Variants in WWP1 observed in about 807,000 individuals in gnomAD.
WWP1 encodes the protein NEDD4-like E3 ubiquitin-protein ligase WWP1.
WWP1 carries 49 observed loss-of-function variants against 130.6 expected under a neutral mutation model. The ratio of observed to expected loss-of-function variants is 0.38; its 90% confidence interval spans 0.30 to 0.48. WWP1 has a LOEUF of 0.48. WWP1 is among the 20% of genes least tolerant of loss of function. The pLI is 0.99. For synonymous variants in WWP1, 332 were observed against 367.8 expected (o/e 0.90, Z 1.11); for missense variants, 809 against 1,100.6 (o/e 0.74, Z 3.75).
rs59950498 is a variant in WWP1, at chr8:86,380,641, G to A, written c.71-85G>A. 7.9e-4 allele frequency: 1,091 copies of A among 1,386,240 alleles called. 7 individuals are homozygous for A. In the African/African-American group the frequency reaches 0.015, roughly 19 times the overall value. 85.9% of individuals were successfully genotyped at this position (1,386,240 alleles called of 1,614,324 possible). On this transcript the variant is annotated intron_variant, in intron 3 of 24. Transcript: ENST00000517970. ...GAGAAGAGTTCTAGTTGCACAAGAAGCACAATTCCATTCTTATTGATTGAT... is the reference window on the plus strand; with the variant it reads ...GAGAAGAGTTCTAGTTGCACAAGAAACACAATTCCATTCTTATTGATTGAT...
At chr8:86,379,497 C>T (rs1372723418) in intron 3 of WWP1, among the ~76,000 whole-genome samples, 1 of 152,068 alleles carries the variant, frequency 6.6e-6, no homozygotes, top group Non-Finnish European at 1.5e-5. Context: ...AGGCTTTTCC[C>T]TTCCTCATCT....
At position 86,438,661 on chromosome 8, in the gene WWP1, G is replaced by T. The variant is rs1452572470; in HGVS notation, c.1826G>T (p.Gly609Val). 6.2e-7 allele frequency: 1 copy of T among 1,604,832 alleles called. No homozygotes were observed. Among genetic ancestry groups the T allele is most frequent in the Non-Finnish European group, 8.5e-7 (1 of 1,177,516 alleles). Residue 609 changes from glycine (G) to valine (V), a missense_variant, in exon 17 of 25, where the codon GGT (glycine) becomes GTT (valine). Physicochemically the swap from Gly to Val is moderately radical, Grantham distance 109. Transcript: ENST00000517970. ...IFRGEEGLDY[G>V]GLAREWFFLL... ...AGAGGAGAAGAAGGACTTGATTATG[G>T]TGGCCTAGCGAGGTAAAATAAAAAA...
intron 2 of WWP1, among the ~76,000 whole-genome samples, chr8:86,370,510 G>T (rs1218137920): frequency 6.6e-6 from 1 of 152,122 alleles, no homozygotes; most frequent in Non-Finnish European, 1.5e-5. Flanking sequence ...GACCTTAGCA[G>T]TTCTTTACTG....
chr8:86,427,737 C>T lies in WWP1; in HGVS notation c.1252C>T (p.Arg418Ter), dbSNP rs771835365. The T allele has an allele frequency of 1.9e-6, 3 of 1,613,738 alleles. No homozygotes were observed. The highest frequency in any genetic ancestry group is 1.1e-5 in the South Asian group (1 of 91,050). Residue 418 changes from arginine (R) to a stop codon, truncating the protein, a stop_gained, in exon 11 of 25, where the codon CGA (arginine) becomes TGA (stop). Transcript: ENST00000517970. LOFTEE classifies it high-confidence loss of function. ...GCAGCGGCCTACCATGGAATCTGTC[C>T]GAAATTTTGAACAGTGGCAATCTCA... The part of the protein sequence containing the change: ...TWQRPTMESV[R>*]NFEQWQSQRN...
intron 1 of WWP1, among the ~76,000 whole-genome samples, chr8:86,359,906 G>A (rs915042637): frequency 3.3e-5 from 5 of 151,858 alleles, no homozygotes; most frequent in South Asian, 4.2e-4. Flanking sequence ...AAAATTAGCC[G>A]GGCGTGGTGG....
chr8:86,398,393 T>G lies in WWP1; in HGVS notation c.386T>G (p.Ile129Arg), dbSNP rs1427561560. 1.2e-6 allele frequency: 2 copies of G among 1,610,858 alleles called. No homozygotes were observed. ...LKLSLENKNG[I>R]AQTGELTVVL... ...CTTTCCTTGGAAAACAAGAATGGCATAGCACAAACTGGTGAATTGACAGTT... is the reference window on the plus strand; with the variant it reads ...CTTTCCTTGGAAAACAAGAATGGCAGAGCACAAACTGGTGAATTGACAGTT... Residue 129 changes from isoleucine to arginine, a missense_variant, in exon 6 of 25, where the codon ATA becomes AGA. By Grantham distance (97) the Ile-to-Arg change is moderately conservative. Around this residue, in one of 3 missense-constraint regions of WWP1, gnomAD observed 262 missense variants for 346.0 expected, o/e 0.76. Transcript: ENST00000517970.
At position 86,404,499 on chromosome 8, in the gene WWP1, G is replaced by C. The variant is rs141355035; in HGVS notation, c.724+2296G>C. ...ATTCTTTCCATTGGTAATAAGTTCAGTTCTCGCATTTCTTTCTTATTTATT... is the reference window on the plus strand; with the variant it reads ...ATTCTTTCCATTGGTAATAAGTTCACTTCTCGCATTTCTTTCTTATTTATT... On this transcript the variant is annotated intron_variant, in intron 8 of 24. Coordinates refer to ENST00000517970, the MANE Select transcript of WWP1 (RefSeq NM_007013.4). 1.1e-3 allele frequency among the ~76,000 whole-genome samples: 162 copies of C among 152,268 alleles called. 1 individual carries two copies. The highest frequency in any genetic ancestry group is 3.7e-3 in the African/African-American group (154 of 41,556).
intron 10 of WWP1, 133 bp downstream of exon 10, chr8:86,425,451 A>G: frequency 3.5e-6 from 2 of 570,128 alleles, no homozygotes; most frequent in Non-Finnish European, 5.7e-6. Context: ...TTATATAAAT[A>G]ATGAATGTTC....
chr8:86,347,207 C>T (rs568435973), intron 1 of WWP1, among the ~76,000 whole-genome samples: 27 of 152,170 alleles, frequency 1.8e-4, no homozygotes, highest in African/African-American at 5.8e-4. Context: ...AGGCTGGCCT[C>T]GAACTCCTGG....
chr8:86,360,785 C>T (rs1210365789), intron 1 of WWP1, among the ~76,000 whole-genome samples: 2 of 152,124 alleles, frequency 1.3e-5, no homozygotes, highest in Admixed American at 6.5e-5. Flanking sequence ...AATATATGAA[C>T]GTCTGTAATT....
chr8:86,443,042 T>C (rs537566037), intron 18 of WWP1, among the ~76,000 whole-genome samples: 4 of 152,280 alleles, frequency 2.6e-5, no homozygotes, highest in South Asian at 2.1e-4. Flanking sequence ...ATAGTATGAC[T>C]ACTTTTATTT....
chr8:86,346,775 C>T lies in WWP1; in HGVS notation c.-115+3845C>T, dbSNP rs2130069462. On this transcript the variant is annotated intron_variant, in intron 1 of 24. Coordinates refer to ENST00000517970, the MANE Select transcript of WWP1 (RefSeq NM_007013.4). ...AGCATTGGAAAATCCAATAAATTGC[C>T]CTTTATAGTGGTATCCAAGGAACTA... Among the ~76,000 whole-genome samples, 2 of 151,674 alleles carry T rather than the reference C, an allele frequency of 1.3e-5. 1 individual carries two copies. Among genetic ancestry groups the T allele is most frequent in the East Asian group, 3.9e-4 (2 of 5,148 alleles).
At chr8:86,441,072 T>C (rs1810567215) in intron 17 of WWP1, among the ~76,000 whole-genome samples, 1 of 152,258 alleles carries the variant, frequency 6.6e-6, no homozygotes, top group African/African-American at 2.4e-5. Context: ...CTTCCTTTTC[T>C]GCTAGCATCA....
chr8:86,414,673 T>G (rs981327088), intron 9 of WWP1, among the ~76,000 whole-genome samples: 1 of 152,206 alleles, frequency 6.6e-6, no homozygotes, highest in African/African-American at 2.4e-5. Flanking sequence ...TCCTGTTGAT[T>G]GTAATGTACA....
At chr8:86,406,128 G>A (rs541081117) in intron 8 of WWP1, among the ~76,000 whole-genome samples, 13 of 152,232 alleles carry the variant, frequency 8.5e-5, no homozygotes, top group African/African-American at 2.9e-4. Flanking sequence ...TCTGACAGGA[G>A]GTAACGTGGT....
intron 5 of WWP1, among the ~76,000 whole-genome samples, chr8:86,386,456 C>G (rs983956972): frequency 7.3e-6 from 1 of 137,056 alleles, no homozygotes; most frequent in Non-Finnish European, 1.5e-5. Flanking sequence ...CCCTTCCTTT[C>G]CTCCTCGTTC....
intron 17 of WWP1, among the ~76,000 whole-genome samples, chr8:86,441,147 CTGT>C (rs1810570571): frequency 1.3e-5 from 2 of 152,138 alleles, no homozygotes; most frequent in African/African-American, 4.8e-5. Flanking sequence ...TTTCTCTGGG[CTGT>C]TGTTTGCTAA....
At chr8:86,389,698 G>A (rs1390501164) in intron 5 of WWP1, among the ~76,000 whole-genome samples, 2 of 152,224 alleles carry the variant, frequency 1.3e-5, no homozygotes, top group Non-Finnish European at 2.9e-5. Context: ...TGGCGGCCAG[G>A]CAGACGGGCT....
intron 17 of WWP1, among the ~76,000 whole-genome samples, chr8:86,442,078 G>C (rs1183886145): frequency 6.6e-6 from 1 of 152,058 alleles, no homozygotes; most frequent in African/African-American, 2.4e-5. Flanking sequence ...GCAGTGCTGT[G>C]TATCTCGGTA....
Sources: gnomAD v4.1 joint callset for allele counts (sites outside exome capture counted in the v4.1 genomes callset) on GRCh38, gnomAD v4.1.1 for gene constraint, gnomAD v4.1.1 regional missense constraint, MANE v1.5 for transcripts, NCBI Gene and HGNC (gene_info 2026-07-23, HGNC 2026-07-21) for gene names.